Variants in TLE1 observed in about 807,000 individuals in gnomAD.
TLE1 encodes the protein TLE family member 1, transcriptional corepressor.
In TLE1, 21 loss-of-function variants were observed where a neutral mutation model predicts 89.8. The ratio of observed to expected loss-of-function variants is 0.23; its 90% CI spans 0.17 to 0.34. The LOEUF is 0.34. Ranked by LOEUF, TLE1 falls within the 10% of genes least tolerant of loss-of-function variation. TLE1 has a pLI of 1.00. For synonymous variants in TLE1, 447 were observed against 407.6 expected, an observed-to-expected ratio of 1.10 and a Z score of -1.16; for missense variants, 795 against 1,031.2, an observed-to-expected ratio of 0.77 and a Z score of 3.14.
At chr9:81,644,643 G>A (rs995813985) in intron 6 of TLE1, among the ~76,000 whole-genome samples, 3 of 152,092 alleles carry the variant, frequency 2.0e-5, no homozygotes, top group Non-Finnish European at 2.9e-5. Flanking sequence ...TTTTATAGTC[G>A]TGATGGTTGT....
intron 4 of TLE1, among the ~76,000 whole-genome samples, chr9:81,657,866 G>A (rs955612270): frequency 2.7e-5 from 4 of 147,794 alleles, no homozygotes; most frequent in Admixed American, 6.7e-5. Context: ...AGGAAATAAT[G>A]ACAAGAAAAA....
At chr9:81,645,438 G>A (rs1286414501) in intron 6 of TLE1, among the ~76,000 whole-genome samples, 1 of 151,210 alleles carries the variant, frequency 6.6e-6, no homozygotes, top group Non-Finnish European at 1.5e-5. Context: ...TCATTAGATT[G>A]TAACACAAAA....
chr9:81,688,380 C>G lies in TLE1; in HGVS notation c.-140G>C. 1 of 972,380 alleles carries G rather than the reference C, an allele frequency of 1.0e-6. No individual in the cohort carries two copies. The highest frequency in any genetic ancestry group is 1.4e-6 in the Non-Finnish European group (1 of 709,160). 60.2% of individuals were successfully genotyped at this position (972,380 alleles called of 1,614,324 possible). A position where few individuals can be genotyped will look rare whatever the true frequency, so the allele number is the denominator to read the frequency against. ...CGCTGGCCACGCACGCGCGCTCCGC[C>G]GGGCGCACCGGCCACTCGGCGCCCG... On this transcript the variant is annotated 5_prime_UTR_variant, in exon 1 of 20. Transcript: ENST00000376499.
chr9:81,599,649 CCT>C (rs1456827244), intron 14 of TLE1, among the ~76,000 whole-genome samples: 1 of 152,068 alleles, frequency 6.6e-6, no homozygotes, highest in Non-Finnish European at 1.5e-5. Context: ...GTAAAACCTT[CCT>C]CTGTCAATTT....
intron 6 of TLE1, among the ~76,000 whole-genome samples, chr9:81,647,309 T>C (rs572740827): frequency 6.6e-6 from 1 of 152,356 alleles, no homozygotes; most frequent in African/African-American, 2.4e-5. Flanking sequence ...CCTTATTCTT[T>C]GTGTTAGGTA....
intron 6 of TLE1, among the ~76,000 whole-genome samples, chr9:81,635,448 A>C (rs980757141): frequency 1.3e-5 from 2 of 152,160 alleles, no homozygotes; most frequent in African/African-American, 4.8e-5. Flanking sequence ...CATTGCTCTT[A>C]TACATTATAT....
chr9:81,623,955 C>T (rs1297860719), intron 8 of TLE1, among the ~76,000 whole-genome samples: 1 of 152,088 alleles, frequency 6.6e-6, no homozygotes, highest in African/African-American at 2.4e-5. Context: ...ACTAGGATGT[C>T]CAGAGACAGA....
intron 4 of TLE1, among the ~76,000 whole-genome samples, chr9:81,682,756 T>C (rs894786130): frequency 2.0e-5 from 3 of 152,156 alleles, no homozygotes; most frequent in African/African-American, 7.2e-5. Flanking sequence ...CCATGAGACA[T>C]TGTCTACCTC....
chr9:81,611,953 C>T lies in TLE1; in HGVS notation c.1070G>A (p.Gly357Asp). Residue 357 changes from glycine (G) to aspartate (D), a missense_variant, in exon 13 of 20, where the codon GGC (glycine) becomes GAC (aspartate). By Grantham distance (94) the Gly-to-Asp change is moderately conservative (BLOSUM62 -1). Around this residue, in one of 4 missense-constraint regions of TLE1, gnomAD observed 468 missense variants for 509.1 expected, o/e 0.92. Transcript: ENST00000376499. Reference sequence around the variant, plus strand: ...GGGCACTGCCAGGGGTGTCCTCAAGCCAGCTGCTGAAAGGAAACACAAGCC... The same window carrying T: ...GGGCACTGCCAGGGGTGTCCTCAAGTCAGCTGCTGAAAGGAAACACAAGCC... ...IDPLVNQAAA[G>D]LRTPLAVPGP... is the part of the protein sequence containing the mutation. 6.2e-6 allele frequency: 9 copies of T among 1,446,328 alleles called. No homozygotes were observed. The highest frequency in any genetic ancestry group is 8.2e-6 in the Non-Finnish European group (9 of 1,098,442). The allele number at this position is 1,446,328 out of a possible 1,614,324, so 89.6% of individuals were successfully genotyped here.
At chr9:81,621,003 G>T in intron 8 of TLE1, 1 of 366,956 alleles carries the variant, frequency 2.7e-6, no homozygotes. Flanking sequence ...GGAAGCGGTG[G>T]GATTAACAGC....
intron 8 of TLE1, among the ~76,000 whole-genome samples, chr9:81,629,989 C>A (rs1031358714): frequency 5.3e-5 from 8 of 152,216 alleles, no homozygotes; most frequent in African/African-American, 1.7e-4. Context: ...TAATTTCTGC[C>A]ACTAAAAATA....
At chr9:81,628,409 C>T (rs1046950895) in intron 8 of TLE1, among the ~76,000 whole-genome samples, 2 of 152,176 alleles carry the variant, frequency 1.3e-5, no homozygotes, top group Non-Finnish European at 2.9e-5. Flanking sequence ...TTCCCATAGG[C>T]CTCCGGGAAT....
intron 4 of TLE1, among the ~76,000 whole-genome samples, chr9:81,662,187 T>G (rs1830881502): frequency 6.6e-6 from 1 of 152,210 alleles, no homozygotes; most frequent in South Asian, 2.1e-4. Context: ...AGTTAACATT[T>G]GCCCTCCTAA....
In TLE1 at chr9:81,610,269, T is replaced by C. The variant is rs1479391311; in HGVS notation, c.1282A>G (p.Arg428Gly). 6.2e-7 allele frequency: 1 copy of C among 1,614,014 alleles called. No individual in the cohort carries two copies. Residue 428 changes from arginine (R) to glycine (G), a missense_variant, in exon 14 of 20, where the codon AGA (arginine) becomes GGA (glycine). Transcript: ENST00000376499. The part of the protein sequence containing the change: ...MVGFDPPPHM[R>G]VPTIPPNLAG... ...AGGTTTGGAGGAATGGTAGGTACTC[T>C]CATGTGAGGGGGAGGATCAAACCCC...
Position 81,688,275 on chromosome 9 carries a change from A to C in TLE1, c.-35T>G, listed in dbSNP as rs1384246491. 3 of 1,547,716 alleles carry C rather than the reference A, an allele frequency of 1.9e-6. No individual in the cohort carries two copies. Among genetic ancestry groups the C allele is most frequent in the Admixed American group, 4.2e-5 (2 of 47,308 alleles). On this transcript the variant is annotated 5_prime_UTR_variant, in exon 1 of 20. Coordinates refer to ENST00000376499, the MANE Select transcript of TLE1 (RefSeq NM_005077.5). Reference sequence around the variant, plus strand: ...GGCGGCCGGGGCTCTGTTCCCCGGCAACTCAATTCTCCGGTCAATTTCCAA... The same window carrying C: ...GGCGGCCGGGGCTCTGTTCCCCGGCCACTCAATTCTCCGGTCAATTTCCAA...
chr9:81,650,776 C>T (rs568394272), intron 6 of TLE1, among the ~76,000 whole-genome samples: 130 of 152,224 alleles, frequency 8.5e-4, no homozygotes, highest in African/African-American at 2.9e-3. Flanking sequence ...CAGAGCTAAG[C>T]TGTCAAGTGT....
intron 4 of TLE1, among the ~76,000 whole-genome samples, chr9:81,675,698 G>GTTTGTTTTTT (rs1554701835): frequency 7.7e-6 from 1 of 129,666 alleles, no homozygotes; most frequent in African/African-American, 3.3e-5. Context: ...ACTCACACTA[G>GTTTGTTTTTT]TTTTTTTTTG....
intron 16 of TLE1, among the ~76,000 whole-genome samples, chr9:81,589,950 T>A (rs1315210055): frequency 4.6e-5 from 7 of 151,616 alleles, no homozygotes; most frequent in Admixed American, 1.3e-4. Context: ...ACAGCGGAGG[T>A]TTGAAGAGAG....
chr9:81,673,593 T>G (rs1403096874), intron 4 of TLE1, among the ~76,000 whole-genome samples: 1 of 152,124 alleles, frequency 6.6e-6, no homozygotes, highest in Non-Finnish European at 1.5e-5. Context: ...TCTTGGTAAT[T>G]ACCCTATGGG....
Sources: gnomAD v4.1 joint callset for allele counts (sites outside exome capture counted in the v4.1 genomes callset) on GRCh38, gnomAD v4.1.1 for gene constraint, gnomAD v4.1.1 regional missense constraint, MANE v1.5 for transcripts, NCBI Gene and HGNC (gene_info 2026-07-23, HGNC 2026-07-21) for gene names.